The following CYP3A7 variants were observed in gnomAD, a reference collection of about 807,000 sequenced individuals.
CYP3A7 encodes the protein cytochrome P450 3A7.
CYP3A7 carries 45 observed loss-of-function variants against 55.2 expected under a neutral mutation model. The ratio of observed to expected loss-of-function variants is 0.82; its 90% CI spans 0.64 to 1.05. The LOEUF (loss-of-function observed/expected upper bound fraction) is 1.05. CYP3A7 is among the 50% of genes least tolerant of loss of function. The probability of loss-of-function intolerance (pLI) is 0.00; values close to 1 mark genes in which losing one functional copy is unlikely to be tolerated. For synonymous variants in CYP3A7, 180 were observed against 207.4 expected (o/e 0.87, Z 1.13); for missense variants, 548 against 605.3 (o/e 0.91, Z 0.99).
Position 99,705,547 on chromosome 7 carries a change from T to G in CYP3A7, c.1465A>C (p.Ile489Leu). ...TCCCTTGACTCAGCCTTTAGAACAA[T>G]GGGTTTTTCTGTTAGAAGAAGTCCT... ...FGGLLLTEKP[I>L]VLKAESRDET... The change falls in exon 13 of 13, where the codon ATT (isoleucine) becomes CTT (leucine). Residue 489 changes from isoleucine to leucine, a missense_variant. Transcript: ENST00000336374. The G allele has an allele frequency of 1.9e-6, 3 of 1,613,686 alleles. No homozygotes were observed. Among genetic ancestry groups the G allele is most frequent in the Non-Finnish European group, 2.5e-6 (3 of 1,179,724 alleles).
At chr7:99,726,157 C>T (rs912536581) in intron 2 of CYP3A7, among the ~76,000 whole-genome samples, 14 of 152,222 alleles carry the variant, frequency 9.2e-5, no homozygotes, top group African/African-American at 3.4e-4. Context: ...CCACCTTAAC[C>T]CACAGGTATG....
intron 4 of CYP3A7, among the ~76,000 whole-genome samples, chr7:99,718,675 G>A (rs1814067022): frequency 6.6e-6 from 1 of 152,002 alleles, no homozygotes; most frequent in Non-Finnish European, 1.5e-5. Context: ...CTGGGAAAAA[G>A]AATTAAAAGG....
chr7:99,716,160 A>G (rs1213437819), intron 6 of CYP3A7, among the ~76,000 whole-genome samples: 2 of 152,198 alleles, frequency 1.3e-5, no homozygotes, highest in African/African-American at 2.4e-5. Flanking sequence ...CAAGGAGCCT[A>G]GTCATAGAAA....
intron 9 of CYP3A7, among the ~76,000 whole-genome samples, chr7:99,713,192 GA>G (rs1035704240): frequency 6.6e-6 from 1 of 152,190 alleles, no homozygotes; most frequent in African/African-American, 2.4e-5. Context: ...AGGAGGCTGA[GA>G]ACTGGCATTT....
chr7:99,731,258 C>T, intron 1 of CYP3A7, 106 bp from the exon 2 acceptor site: 1 of 1,258,172 alleles, frequency 7.9e-7, no homozygotes, highest in Non-Finnish European at 1.1e-6. Context: ...AAGGAGGTAA[C>T]ATTAAGGCAA....
intron 1 of CYP3A7, among the ~76,000 whole-genome samples, chr7:99,732,544 C>A (rs560834998): frequency 9.2e-5 from 14 of 152,254 alleles, no homozygotes; most frequent in African/African-American, 3.4e-4. Flanking sequence ...CTATAGCAGG[C>A]CTGCTTGCAA....
Position 99,707,894 on chromosome 7 carries a change from A to G in CYP3A7, c.1334T>C (p.Met445Thr). Residue 445 changes from methionine (M) to threonine (T), a missense_variant, in exon 12 of 13, where the codon ATG (methionine) becomes ACG (threonine). Physicochemically the swap from Met to Thr is moderately conservative, Grantham distance 81. Coordinates refer to ENST00000336374, the MANE Select transcript of CYP3A7 (RefSeq NM_000765.5). Reference sequence around the variant, plus strand: ...TTTCATGTTCACGAGAGCAAACCTCATGCCAATGCAGTTTCTGGGTCCACT... The same window carrying G: ...TTTCATGTTCACGAGAGCAAACCTCGTGCCAATGCAGTTTCTGGGTCCACT... ...FGSGPRNCIG[M>T]RFALVNMKLA... 6.2e-7 allele frequency: 1 copy of G among 1,614,040 alleles called. No individual in the cohort carries two copies. The highest frequency in any genetic ancestry group is 8.5e-7 in the Non-Finnish European group (1 of 1,179,902).
chr7:99,718,039 G>T (rs1814034856), intron 4 of CYP3A7, among the ~76,000 whole-genome samples: 1 of 152,020 alleles, frequency 6.6e-6, no homozygotes, highest in African/African-American at 2.4e-5. Flanking sequence ...AAAAAGAGGT[G>T]CCTTGATGTG....
intron 2 of CYP3A7, among the ~76,000 whole-genome samples, chr7:99,729,379 T>C (rs1390101555): frequency 1.3e-5 from 2 of 152,152 alleles, no homozygotes; most frequent in East Asian, 3.9e-4. Context: ...ACATGGCCCA[T>C]AATCCCGCTT....
rs1292474209 is a variant in CYP3A7 at position 99,717,088 on chromosome 7, A to G, written c.521+89T>C. On this transcript the variant is annotated intron_variant, in intron 6 of 12. Transcript: ENST00000336374. ...GCCCTCCTTTTGTCTGGTCACTGGA[A>G]TAACCCAACAGCGGGAGTATCAGCT... 11 of 1,564,958 alleles carry G rather than the reference A, an allele frequency of 7.0e-6. No homozygotes were observed. In the East Asian group the frequency reaches 2.5e-4, roughly 35 times the overall value.
intron 3 of CYP3A7, among the ~76,000 whole-genome samples, chr7:99,721,194 T>C (rs1584516904): frequency 1.3e-5 from 2 of 152,190 alleles, no homozygotes; most frequent in East Asian, 3.8e-4. Flanking sequence ...TCTCTTCAAA[T>C]TCAGCAGAAA....
At chr7:99,732,692 A>G (rs1410008697) in intron 1 of CYP3A7, among the ~76,000 whole-genome samples, 1 of 152,182 alleles carries the variant, frequency 6.6e-6, no homozygotes, top group African/African-American at 2.4e-5. Flanking sequence ...CCAGCCATCA[A>G]TTCAACCATG....
In CYP3A7 at chr7:99,723,929, C is replaced by A. The variant is rs555860460; in HGVS notation, c.166-1581G>T. Among the ~76,000 whole-genome samples the A allele has an allele frequency of 3.3e-5, 5 of 152,302 alleles. No individual in the cohort carries two copies. The South Asian group carries it at 8.3e-4, about 25-fold the overall frequency. On this transcript the variant is annotated intron_variant, in intron 2 of 12. Transcript: ENST00000336374. ...GCCAGGACACCTGCCTGGTTATTCACCCACATTTCAGAGGTATCTGATCAC... is the reference window on the plus strand; with the variant it reads ...GCCAGGACACCTGCCTGGTTATTCAACCACATTTCAGAGGTATCTGATCAC...
At chr7:99,705,764 A>C (rs542238455) in intron 12 of CYP3A7, among the ~76,000 whole-genome samples, 169 bp from the exon 13 acceptor site, 2 of 152,346 alleles carry the variant, frequency 1.3e-5, no homozygotes, top group South Asian at 4.2e-4. Context: ...AGATGTGTGA[A>C]GATTGGATAG....
intron 9 of CYP3A7, 138 bp from the exon 10 acceptor site, chr7:99,711,030 G>A (rs1305263240): frequency 1.4e-6 from 2 of 1,420,696 alleles, no homozygotes; most frequent in African/African-American, 1.4e-5. Flanking sequence ...CACTGGGGGT[G>A]GTTTCACTCT....
At chr7:99,726,179 C>T (rs1814404787) in intron 2 of CYP3A7, among the ~76,000 whole-genome samples, 2 of 152,152 alleles carry the variant, frequency 1.3e-5, no homozygotes, top group Admixed American at 1.3e-4. Context: ...GACACCTCTA[C>T]TCCCTCCCTG....
In CYP3A7 at chr7:99,709,148, A is replaced by G. The variant is rs765355795; in HGVS notation, c.1140T>C (p.Asp380=). ...AMRLERVCKK[D]VEINGMFIPK... is the part of the protein sequence containing the mutation. Reference sequence around the variant, plus strand: ...GAATAAACATCCCATTGATTTCAACATCTTTTTTGCAGACCCTCTCAAGTC... The same window carrying G: ...GAATAAACATCCCATTGATTTCAACGTCTTTTTTGCAGACCCTCTCAAGTC... The change falls in exon 11 of 13, where the codon GAT becomes GAC. Residue 380 remains aspartate, a synonymous_variant. Transcript: ENST00000336374. 1 of 1,614,044 alleles carries G rather than the reference A, an allele frequency of 6.2e-7. No homozygotes were observed. The highest frequency in any genetic ancestry group is 8.5e-7 in the Non-Finnish European group (1 of 1,179,948).
intron 2 of CYP3A7, 25 bp downstream of exon 2, chr7:99,731,034 A>G: frequency 2.5e-6 from 4 of 1,613,318 alleles, no homozygotes; most frequent in Non-Finnish European, 3.4e-6. Flanking sequence ...ATAAGAAGCA[A>G]AAGAGGAAGC....
chr7:99,709,378 G>A (rs1813657692), intron 10 of CYP3A7, 117 bp from the exon 11 acceptor site: 3 of 1,444,252 alleles, frequency 2.1e-6, no homozygotes, highest in Non-Finnish European at 2.8e-6. Context: ...ACTGGCAAAG[G>A]ATTGTAGCAT....
Sources: allele counts gnomAD v4.1 joint callset (sites outside exome capture counted in the v4.1 genomes callset), GRCh38; gene constraint gnomAD v4.1.1; transcripts MANE v1.5; gene names NCBI Gene and HGNC (gene_info 2026-07-23, HGNC 2026-07-21).